CDH4: variants seen among roughly 807,000 people sequenced by gnomAD.
CDH4 encodes cadherin-4.
In CDH4, 33 loss-of-function variants were observed where a neutral mutation model predicts 86.0. That is an observed-to-expected ratio of 0.38 (90% confidence interval 0.29 to 0.51). The LOEUF (loss-of-function observed/expected upper bound fraction) is 0.51, where lower values mean the gene tolerates loss of function less well. CDH4 is among the 20% of genes least tolerant of loss of function. The pLI is 0.86. For synonymous variants in CDH4, 555 were observed against 549.4 expected (o/e 1.01, Z -0.14); for missense variants, 1,114 against 1,307.4 (o/e 0.85, Z 2.28).
At chr20:61,846,541 CAGAG>C (rs750137536) in intron 5 of CDH4, among the ~76,000 whole-genome samples, 7 of 151,982 alleles carry the variant, frequency 4.6e-5, no homozygotes, top group Admixed American at 1.3e-4. Flanking sequence ...GATACAGAGA[CAGAG>C]AGGGAGACAG....
rs116681265 is a variant in CDH4 at position 61,266,763 on chromosome 20, G to T, written c.169+11826G>T. ...TGCCTGGGGGGTGCTTGCTAAACTC[G>T]CCAGCCCCGTGGGTCCTATCCCAGA... On this transcript the variant is annotated intron_variant, in intron 2 of 15. Transcript: ENST00000614565. Among the ~76,000 whole-genome samples, 1,300 of 152,118 alleles carry T rather than the reference G, an allele frequency of 8.5e-3. 12 individuals carry two copies. Among genetic ancestry groups the T allele is most frequent in the African/African-American group, 0.03 (1,234 of 41,500 alleles).
In CDH4 at chr20:61,534,660, TC is replaced by T. The variant is rs374138518; in HGVS notation, c.170-208902del. 1.5e-3 allele frequency among the ~76,000 whole-genome samples: 175 copies of T among 115,890 alleles called. 1 individual carries two copies. Among genetic ancestry groups the T allele is most frequent in the Middle Eastern group, 4.0e-3 (1 of 248 alleles). The allele number at this position is 115,890 out of a possible 152,430, so 76.0% of individuals were successfully genotyped here. A position where few individuals can be genotyped will look rare whatever the true frequency, so the allele number is the denominator to read the frequency against. On this transcript the variant is annotated intron_variant, in intron 2 of 15. Transcript: ENST00000614565. Reference sequence around the variant, plus strand: ...CTTTTCTTTCTTTCTTTTCTTTCTTTCTTTCTTTTTTTTTTTTTTTTTTTTT... The same window carrying T: ...CTTTTCTTTCTTTCTTTTCTTTCTTTTTTCTTTTTTTTTTTTTTTTTTTTT...
At chr20:61,678,722 C>A (rs1393252373) in intron 2 of CDH4, among the ~76,000 whole-genome samples, 1 of 152,228 alleles carries the variant, frequency 6.6e-6, no homozygotes, top group Non-Finnish European at 1.5e-5. Context: ...CCCCACTCAG[C>A]TCTGGGGCTC....
At chr20:61,471,134 G>C (rs2085499766) in intron 2 of CDH4, among the ~76,000 whole-genome samples, 2 of 151,900 alleles carry the variant, frequency 1.3e-5, no homozygotes, top group Non-Finnish European at 1.5e-5. Flanking sequence ...TAAATATTTG[G>C]TAAAATTCAG....
intron 2 of CDH4, among the ~76,000 whole-genome samples, chr20:61,407,710 A>G (rs1023202332): frequency 2.0e-5 from 3 of 152,200 alleles, no homozygotes; most frequent in African/African-American, 7.2e-5. Context: ...ACGCTGCCCA[A>G]GTGTGCATAC....
chr20:61,822,371 T>C (rs1345119563), intron 4 of CDH4, among the ~76,000 whole-genome samples: 2 of 152,248 alleles, frequency 1.3e-5, no homozygotes, highest in African/African-American at 2.4e-5. Flanking sequence ...AGCAGAGCTA[T>C]TGCTGTGTTT....
Position 61,763,249 on chromosome 20 carries a change from G to T in CDH4, c.397-9754G>T, listed in dbSNP as rs574119835. Among the ~76,000 whole-genome samples, 7 of 152,084 alleles carry T rather than the reference G, an allele frequency of 4.6e-5. No individual in the cohort carries two copies. The East Asian group carries it at 1.4e-3, about 29-fold the overall frequency. The stretch of plus-strand genomic sequence containing the variant: ...GGGTAATGACTTCGACTAGGACAAG[G>T]GATGCTCGCTCTTCCTCACTGAACT... On this transcript the variant is annotated intron_variant, in intron 3 of 15. Transcript: ENST00000614565.
chr20:61,856,473 A>G (rs1202996773), intron 6 of CDH4, among the ~76,000 whole-genome samples: 3 of 119,880 alleles, frequency 2.5e-5, no homozygotes, highest in African/African-American at 9.9e-5. Flanking sequence ...TGCACCCCAC[A>G]CTCTTCCCCA....
chr20:61,518,714 CCATCCGTTCATCCACCCAT>C lies in CDH4; in HGVS notation c.170-224843_170-224825del, dbSNP rs1226862686. Among the ~76,000 whole-genome samples, 1 of 151,772 alleles carries C rather than the reference CCATCCGTTCATCCACCCAT, an allele frequency of 6.6e-6. No individual in the cohort carries two copies. The highest frequency in any genetic ancestry group is 1.5e-5 in the Non-Finnish European group (1 of 67,942). On this transcript the variant is annotated intron_variant, in intron 2 of 15. Transcript: ENST00000614565. This position sits in a 1 kb window ranked among gnomAD's most constrained non-coding sequence, Gnocchi z 6.3. ...ATCTACCTATCTGTTGTTCAATCAT[CCATCCGTTCATCCACCCAT>C]CATCCATTCATCCATCCATTCGTAC...
chr20:61,888,781 C>T (rs1170394536), intron 7 of CDH4, among the ~76,000 whole-genome samples: 4 of 152,208 alleles, frequency 2.6e-5, no homozygotes, highest in Admixed American at 1.3e-4. Context: ...AGGCCTGAAG[C>T]GCAGACTGAC....
At chr20:61,605,092 G>A (rs966209358) in intron 2 of CDH4, among the ~76,000 whole-genome samples, 1 of 152,146 alleles carries the variant, frequency 6.6e-6, no homozygotes, top group Non-Finnish European at 1.5e-5. Flanking sequence ...GCAATTCCAC[G>A]CACTTGGGAA....
At chr20:61,553,857 G>A (rs997922705) in intron 2 of CDH4, among the ~76,000 whole-genome samples, 3 of 152,178 alleles carry the variant, frequency 2.0e-5, no homozygotes, top group African/African-American at 7.2e-5. Flanking sequence ...TGGACAGCCG[G>A]GAGGCAAGTT....
chr20:61,561,098 T>G (rs1265451512), intron 2 of CDH4, among the ~76,000 whole-genome samples: 1 of 152,220 alleles, frequency 6.6e-6, no homozygotes, highest in Non-Finnish European at 1.5e-5. Flanking sequence ...CCTGTCACCA[T>G]GCTTTCCACA....
chr20:61,895,674 A>AG (rs1380721209), intron 8 of CDH4, among the ~76,000 whole-genome samples: 2 of 152,178 alleles, frequency 1.3e-5, no homozygotes, highest in Non-Finnish European at 2.9e-5. Flanking sequence ...CACCACCAGG[A>AG]GGGACCCTTC....
chr20:61,719,744 A>G (rs1209098437), intron 2 of CDH4: 2 of 152,570 alleles, frequency 1.3e-5, no homozygotes, highest in East Asian at 3.9e-4. Flanking sequence ...ATCATACGAC[A>G]AGATGGGGCC....
chr20:61,932,862 A>G (rs1223088463), intron 13 of CDH4, 123 bp from the exon 14 acceptor site: 4 of 1,315,784 alleles, frequency 3.0e-6, no homozygotes, highest in Admixed American at 2.2e-5. Context: ...GCATGCACAC[A>G]TGGGCACAGT....
intron 4 of CDH4, among the ~76,000 whole-genome samples, chr20:61,820,169 A>G (rs553139551): frequency 6.6e-6 from 1 of 152,176 alleles, no homozygotes; most frequent in Non-Finnish European, 1.5e-5. Context: ...GTCACTTGGC[A>G]TCCCCAAGAC....
At chr20:61,675,111 C>T (rs937477029) in intron 2 of CDH4, among the ~76,000 whole-genome samples, 4 of 152,208 alleles carry the variant, frequency 2.6e-5, no homozygotes, top group African/African-American at 7.2e-5. Flanking sequence ...TAGGTCTGAG[C>T]GACGTGTGAC....
intron 2 of CDH4, among the ~76,000 whole-genome samples, chr20:61,600,323 G>T (rs1040553815): frequency 6.6e-6 from 1 of 152,240 alleles, no homozygotes; most frequent in Non-Finnish European, 1.5e-5. Flanking sequence ...CCAGGGTGGG[G>T]ATGGCCCAGT....
Sources: allele counts gnomAD v4.1 joint callset (sites outside exome capture counted in the v4.1 genomes callset), GRCh38; gene constraint gnomAD v4.1.1; non-coding constraint Gnocchi (gnomAD v3.1); transcripts MANE v1.5; gene names NCBI Gene and HGNC (gene_info 2026-07-23, HGNC 2026-07-21).